Variants in ARAP2 observed in about 807,000 individuals in gnomAD.
ARAP2 encodes ArfGAP with RhoGAP domain, ankyrin repeat and PH domain 2, also known as arf-GAP with Rho-GAP domain, ANK repeat and PH domain-containing protein 2.
ARAP2 carries 148 observed loss-of-function variants against 194.5 expected under a neutral mutation model. The ratio of observed to expected loss-of-function variants is 0.76; its 90% CI spans 0.67 to 0.87. ARAP2 has a LOEUF of 0.87. Ranked by LOEUF, ARAP2 falls within the 40% of genes least tolerant of loss-of-function variation. The pLI, the probability that ARAP2 is intolerant of heterozygous loss-of-function variation, is 0.00. For synonymous variants in ARAP2, 695 were observed against 683.5 expected, an observed-to-expected ratio of 1.02 and a Z score of -0.26; for missense variants, 2,128 against 1,989.7, an observed-to-expected ratio of 1.07 and a Z score of -1.32.
chr4:36,177,859 C>T lies in ARAP2; in HGVS notation c.1825G>A (p.Gly609Arg), dbSNP rs1351881777. ...YKAKIFTVLS[G>R]NSVWLCKNEQ... ...TTTTTGCAAAGCCACACACTGTTTC[C>T]ACTTAACACAGTAAAAATTTTTGCC... The change falls in exon 9 of 33, where the codon GGA becomes AGA. Residue 609 changes from glycine to arginine, a missense_variant. Physicochemically the swap from Gly to Arg is moderately radical, Grantham distance 125. Transcript: ENST00000303965. 2 of 1,612,132 alleles carry T rather than the reference C, an allele frequency of 1.2e-6. No homozygotes were observed. Among genetic ancestry groups the T allele is most frequent in the Non-Finnish European group, 1.7e-6 (2 of 1,179,184 alleles).
intron 1 of ARAP2, among the ~76,000 whole-genome samples, chr4:36,236,976 C>T (rs1752568007): frequency 6.6e-6 from 1 of 152,242 alleles, no homozygotes; most frequent in African/African-American, 2.4e-5. Flanking sequence ...CCCTGCAATA[C>T]ACCACTTCAG....
intron 24 of ARAP2, among the ~76,000 whole-genome samples, chr4:36,118,843 C>T (rs1560468329): frequency 6.6e-6 from 1 of 151,322 alleles, no homozygotes; most frequent in Non-Finnish European, 1.5e-5. Context: ...CTGATCTAGG[C>T]CTTCCTCTAT....
chr4:36,191,894 G>A (rs1054306842), intron 7 of ARAP2, among the ~76,000 whole-genome samples: 2 of 152,068 alleles, frequency 1.3e-5, no homozygotes, highest in African/African-American at 4.8e-5. Flanking sequence ...TATAATGAAG[G>A]AGTCCTTACA....
rs536145085 is a variant in ARAP2, at chr4:36,228,593, T to G, written c.894A>C (p.Gly298=). 13 of 1,587,016 alleles carry G rather than the reference T, an allele frequency of 8.2e-6. No homozygotes were observed. The highest frequency in any genetic ancestry group is 1.1e-5 in the Non-Finnish European group (13 of 1,166,984). The change falls in exon 2 of 33, where the codon GGA becomes GGC. Residue 298 remains glycine, a synonymous_variant. Coordinates refer to ENST00000303965, the MANE Select transcript of ARAP2 (RefSeq NM_015230.4). The part of the protein sequence containing the change: ...PVPEIPGSTK[G]VSGSYFRERR... Reference sequence around the variant, plus strand: ...GTAAAGATTCTTACCTCCCAGAAACTCCTTTTGTTGACCCTGGAATCTCTG... The same window carrying G: ...GTAAAGATTCTTACCTCCCAGAAACGCCTTTTGTTGACCCTGGAATCTCTG...
intron 1 of ARAP2, 35 bp downstream of exon 1, chr4:36,244,144 C>T (rs1489815989): frequency 6.6e-6 from 1 of 152,222 alleles, no homozygotes; most frequent in Non-Finnish European, 1.5e-5. Flanking sequence ...CGTGGGCCAT[C>T]CCGGCCCAGC....
At chr4:36,144,658 A>T (rs1488867165) in intron 19 of ARAP2, among the ~76,000 whole-genome samples, 1 of 151,938 alleles carries the variant, frequency 6.6e-6, no homozygotes, top group Non-Finnish European at 1.5e-5. Context: ...GTTGAAGGAA[A>T]GGCAGGTTCA....
intron 5 of ARAP2, among the ~76,000 whole-genome samples, chr4:36,032,467 A>T (rs570116496): frequency 2.6e-5 from 4 of 152,332 alleles, no homozygotes; most frequent in African/African-American, 9.6e-5. Context: ...GAGTACAGAA[A>T]CTAAATGCTA....
At chr4:36,026,934 C>A (rs1023255122) in intron 5 of ARAP2, among the ~76,000 whole-genome samples, 12 of 152,204 alleles carry the variant, frequency 7.9e-5, no homozygotes, top group African/African-American at 2.4e-4. Flanking sequence ...TCTCTAAATG[C>A]GGCCATAGCA....
chr4:36,208,424 T>C (rs376859756), intron 6 of ARAP2, among the ~76,000 whole-genome samples: 19 of 152,364 alleles, frequency 1.2e-4, no homozygotes, highest in African/African-American at 4.3e-4. Context: ...CATTTGACTA[T>C]AAAGCTTAAA....
chr4:36,088,290 G>T (rs944075267), intron 28 of ARAP2, among the ~76,000 whole-genome samples: 3 of 151,964 alleles, frequency 2.0e-5, no homozygotes, highest in African/African-American at 7.2e-5. Flanking sequence ...AAGGTGGGCG[G>T]TCCACTGCAC....
chr4:36,226,732 G>A (rs149981426), intron 2 of ARAP2, among the ~76,000 whole-genome samples: 77 of 152,246 alleles, frequency 5.1e-4, no homozygotes, highest in African/African-American at 1.7e-3. Flanking sequence ...GGGACCCTAA[G>A]AAGAAAGAGG....
chr4:36,209,029 T>C (rs568273307), intron 6 of ARAP2, among the ~76,000 whole-genome samples: 49 of 152,274 alleles, frequency 3.2e-4, no homozygotes, highest in Admixed American at 6.5e-4. Context: ...ACTTTCTGAA[T>C]GTGCCTGGAG....
At position 36,229,375 on chromosome 4, in the gene ARAP2, A is replaced by G. The variant is rs1451914692; in HGVS notation, c.112T>C (p.Cys38Arg). Residue 38 changes from cysteine (C) to arginine (R), a missense_variant, in exon 2 of 33, where the codon TGT becomes CGT. Cys to Arg is a radical substitution (Grantham distance 180). Transcript: ENST00000303965. The stretch of plus-strand genomic sequence containing the variant: ...AGCAGGCTGTCATTTATTGCTGCAC[A>G]GTCCTTCACAGTAGTAAAACCAGAC... ...HESGFTTVKD[C>R]AAINDSLLQK... 2 of 1,614,128 alleles carry G rather than the reference A, an allele frequency of 1.2e-6. No individual in the cohort carries two copies. Among genetic ancestry groups the G allele is most frequent in the Non-Finnish European group, 1.7e-6 (2 of 1,179,978 alleles).
At chr4:36,227,489 C>T (rs767253809) in intron 2 of ARAP2, among the ~76,000 whole-genome samples, 4 of 152,104 alleles carry the variant, frequency 2.6e-5, no homozygotes, top group Admixed American at 2.6e-4. Context: ...GCCTTGTAAA[C>T]GGTCATGTTT....
In ARAP2 at chr4:36,059,235, T is replaced by C. The variant is rs79612737; in HGVS notation, n.148-1092A>G. 5.2e-3 allele frequency among the ~76,000 whole-genome samples: 798 copies of C among 152,274 alleles called. 9 individuals carry two copies. Among genetic ancestry groups the C allele is most frequent in the African/African-American group, 0.018 (762 of 41,542 alleles). The stretch of plus-strand genomic sequence containing the variant: ...ACATTCCATTTTAACTTTACTGAAA[T>C]AGCTATTAGGAGAAGAGACATAATC... On this transcript the variant is annotated intron_variant and non_coding_transcript_variant, in intron 1 of 12. Coordinates refer to the ARAP2 transcript ENST00000503225.
intron 7 of ARAP2, among the ~76,000 whole-genome samples, chr4:36,187,848 C>A (rs1015109081): frequency 4.6e-5 from 7 of 152,208 alleles, no homozygotes; most frequent in African/African-American, 1.7e-4. Flanking sequence ...ACTAAACTAG[C>A]AATACAGAGT....
intron 11 of ARAP2, among the ~76,000 whole-genome samples, 178 bp downstream of exon 11, chr4:36,164,736 C>A (rs947441619): frequency 1.3e-5 from 2 of 152,142 alleles, no homozygotes; most frequent in South Asian, 2.1e-4. Flanking sequence ...ATTTTTATAT[C>A]CAAGTCATAC....
intron 7 of ARAP2, among the ~76,000 whole-genome samples, chr4:36,190,253 C>T (rs1202316892): frequency 1.3e-5 from 2 of 152,140 alleles, no homozygotes; most frequent in African/African-American, 2.4e-5. Context: ...CACAGATAAC[C>T]CTAATTTAAG....
At chr4:36,215,966 C>T (rs893886512) in intron 2 of ARAP2, among the ~76,000 whole-genome samples, 6 of 151,746 alleles carry the variant, frequency 4.0e-5, no homozygotes, top group Admixed American at 1.3e-4. Flanking sequence ...TTTTTTAAGC[C>T]TGGGCACAGT....
Sources: gnomAD v4.1 joint callset for allele counts (sites outside exome capture counted in the v4.1 genomes callset) on GRCh38, gnomAD v4.1.1 for gene constraint, MANE v1.5 for transcripts, NCBI Gene and HGNC (gene_info 2026-07-23, HGNC 2026-07-21) for gene names.